RUNX2: variants seen among roughly 807,000 people sequenced by gnomAD.
RUNX2 encodes the protein runt-related transcription factor 2.
RUNX2 carries 10 observed loss-of-function variants against 51.7 expected under a neutral mutation model. That is an observed-to-expected ratio of 0.19 (90% CI 0.12 to 0.33). The LOEUF (loss-of-function observed/expected upper bound fraction) is 0.33. RUNX2 is among the 10% of genes least tolerant of loss of function. The probability of loss-of-function intolerance (pLI) is 1.00; values close to 1 mark genes in which losing one functional copy is unlikely to be tolerated. For missense variants in RUNX2, 562 were observed against 691.3 expected (o/e 0.81, Z 2.10); for synonymous variants, 276 against 273.6 (o/e 1.01, Z -0.09).
At chr6:45,402,378 A>G (rs148209493) in intron 2 of RUNX2, among the ~76,000 whole-genome samples, 136 of 152,364 alleles carry the variant, frequency 8.9e-4, no homozygotes, top group Middle Eastern at 6.8e-3. Context: ...GCCATTTGAA[A>G]TACCATTAAA....
rs1457634604 is a variant in RUNX2, at chr6:45,422,613, T to C, written c.79T>C (p.Phe27Leu). ...CGTAGATCCGAGCACCAGCCGGCGC[T>C]TCAGCCCCCCCTCCAGCAGCCTGCA... is the stretch of plus-strand genomic sequence containing the variant. ...FFWDPSTSRR[F>L]SPPSSSLQPG... The change falls in exon 3 of 9, where the codon TTC (phenylalanine) becomes CTC (leucine). Residue 27 changes from phenylalanine (F) to leucine (L), a missense_variant. Transcript: ENST00000647337. The C allele has an allele frequency of 6.2e-7, 1 of 1,600,552 alleles. No individual in the cohort carries two copies. The highest frequency in any genetic ancestry group is 8.5e-7 in the Non-Finnish European group (1 of 1,174,196).
rs1582103168 is a variant in RUNX2 at position 45,430,094 on chromosome 6, A to C, written c.424-1769A>C. ...GGGTGATAGACTAAGACTCCATCTC[A>C]AAAAAAAAAAAAAATTAATAAAACA... On this transcript the variant is annotated intron_variant, in intron 3 of 8. Transcript: ENST00000647337. 1.7e-4 allele frequency among the ~76,000 whole-genome samples: 5 copies of C among 29,262 alleles called. No individual in the cohort carries two copies. In the South Asian group the frequency reaches 8.1e-3, roughly 47 times the overall value. The allele number at this position is 29,262 out of a possible 152,430, so 19.2% of individuals were successfully genotyped here.
At chr6:45,389,527 A>G (rs529120603) in intron 2 of RUNX2, among the ~76,000 whole-genome samples, 5 of 152,366 alleles carry the variant, frequency 3.3e-5, no homozygotes, top group South Asian at 2.1e-4. Context: ...GGACATATAG[A>G]TGACAGTGAG....
chr6:45,390,371 G>T (rs1292270032), intron 2 of RUNX2, among the ~76,000 whole-genome samples: 1 of 152,182 alleles, frequency 6.6e-6, no homozygotes, highest in East Asian at 1.9e-4. Flanking sequence ...GTCTTCCTTG[G>T]CAGTACCCCA....
intron 5 of RUNX2, among the ~76,000 whole-genome samples, chr6:45,476,846 G>T (rs1042125999): frequency 2.0e-5 from 3 of 151,976 alleles, no homozygotes; most frequent in Non-Finnish European, 2.9e-5. Flanking sequence ...TTTAAATAAT[G>T]AATATCATTA....
intron 2 of RUNX2, among the ~76,000 whole-genome samples, chr6:45,382,036 T>C (rs931300094): frequency 6.6e-6 from 1 of 152,204 alleles, no homozygotes; most frequent in Non-Finnish European, 1.5e-5. Flanking sequence ...ATTATGTTTT[T>C]GAGAGTCAGA....
At chr6:45,362,560 C>A (rs1414398093) in intron 2 of RUNX2, among the ~76,000 whole-genome samples, 1 of 152,066 alleles carries the variant, frequency 6.6e-6, no homozygotes, top group African/African-American at 2.4e-5. Flanking sequence ...AATAGAAATA[C>A]CAGTAAATTT....
intron 2 of RUNX2, chr6:45,377,175 T>C (rs1346591024): frequency 2.0e-5 from 3 of 152,166 alleles, no homozygotes; most frequent in Non-Finnish European, 4.4e-5. Flanking sequence ...CCTGGCGCTG[T>C]TCTAAGCGTT....
At chr6:45,433,375 C>A (rs748653618) in intron 4 of RUNX2, among the ~76,000 whole-genome samples, 59 of 152,252 alleles carry the variant, frequency 3.9e-4, no homozygotes, top group South Asian at 8.3e-4. Flanking sequence ...TTTACTTATG[C>A]AGGTCCACTA....
chr6:45,531,697 G>C (rs993354479), intron 7 of RUNX2, among the ~76,000 whole-genome samples: 1 of 152,052 alleles, frequency 6.6e-6, no homozygotes, highest in Non-Finnish European at 1.5e-5. Flanking sequence ...AGGCTGTGGT[G>C]AGCCGAGATG....
rs1310523965 is a variant in RUNX2 at position 45,547,753 on chromosome 6, A to T, written c.*448A>T. 4 of 229,674 alleles carry T rather than the reference A, an allele frequency of 1.7e-5. No homozygotes were observed. The highest frequency in any genetic ancestry group is 3.5e-5 in the Non-Finnish European group (4 of 114,838). 14.2% of individuals were successfully genotyped at this position (229,674 alleles called of 1,614,324 possible). ...CTGTGTATGGACCAGTGCCCTCCGCAGACAGCTCACAAAACCAGTTGAGGT... is the reference window on the plus strand; with the variant it reads ...CTGTGTATGGACCAGTGCCCTCCGCTGACAGCTCACAAAACCAGTTGAGGT... On this transcript the variant is annotated 3_prime_UTR_variant, in exon 9 of 9. Transcript: ENST00000647337.
At chr6:45,432,919 C>T (rs1025398018) in intron 4 of RUNX2, among the ~76,000 whole-genome samples, 1 of 152,110 alleles carries the variant, frequency 6.6e-6, no homozygotes, top group Non-Finnish European at 1.5e-5. Flanking sequence ...CACTTTAGAA[C>T]TGAGGTGAAA....
intron 3 of RUNX2, among the ~76,000 whole-genome samples, chr6:45,430,596 A>G (rs1245941323): frequency 1.3e-5 from 2 of 152,172 alleles, no homozygotes; most frequent in East Asian, 3.8e-4. Context: ...ACTGTTAAGA[A>G]ATCTACTGTA....
chr6:45,511,309 C>T (rs1801139209), intron 6 of RUNX2, among the ~76,000 whole-genome samples: 1 of 152,192 alleles, frequency 6.6e-6, no homozygotes, highest in Non-Finnish European at 1.5e-5. Flanking sequence ...TAAACCTAAA[C>T]AGCTGACTGC....
chr6:45,549,252 A>G lies in RUNX2; in HGVS notation c.*1947A>G, dbSNP rs1164758545. On this transcript the variant is annotated 3_prime_UTR_variant, in exon 9 of 9. Transcript: ENST00000647337. Reference sequence around the variant, plus strand: ...TTCATTGGAATCCTCCACCCACCCAAGCAGAATTTAGCAGAGATTTGCCTT... The same window carrying G: ...TTCATTGGAATCCTCCACCCACCCAGGCAGAATTTAGCAGAGATTTGCCTT... The G allele has an allele frequency of 5.0e-6, 2 of 398,238 alleles. No homozygotes were observed. The highest frequency in any genetic ancestry group is 7.1e-5 in the East Asian group (2 of 28,044). The allele number at this position is 398,238 out of a possible 1,614,324, so 24.7% of individuals were successfully genotyped here.
intron 6 of RUNX2, among the ~76,000 whole-genome samples, chr6:45,495,069 T>C (rs1237567520): frequency 6.6e-6 from 1 of 152,240 alleles, no homozygotes. Flanking sequence ...CACTGTGTTA[T>C]CTTCTTCAGG....
intron 2 of RUNX2, among the ~76,000 whole-genome samples, chr6:45,369,463 C>T (rs1243324553): frequency 6.6e-6 from 1 of 152,092 alleles, no homozygotes; most frequent in Non-Finnish European, 1.5e-5. Flanking sequence ...GTTGAATGAG[C>T]CTCTGTCCCA....
At chr6:45,466,465 A>C (rs914204465) in intron 5 of RUNX2, among the ~76,000 whole-genome samples, 2 of 152,226 alleles carry the variant, frequency 1.3e-5, no homozygotes, top group African/African-American at 4.8e-5. Flanking sequence ...AGTGACCTGC[A>C]GAGTCAGGAC....
At chr6:45,400,997 A>G (rs939070851) in intron 2 of RUNX2, among the ~76,000 whole-genome samples, 1 of 152,182 alleles carries the variant, frequency 6.6e-6, no homozygotes, top group African/African-American at 2.4e-5. Flanking sequence ...TCTAGGTGGT[A>G]AGTATATGAG....
Sources: gnomAD v4.1 joint callset for allele counts (sites outside exome capture counted in the v4.1 genomes callset) on GRCh38, gnomAD v4.1.1 for gene constraint, MANE v1.5 for transcripts, NCBI Gene and HGNC (gene_info 2026-07-23, HGNC 2026-07-21) for gene names.